RNGTT: variants seen among roughly 807,000 people sequenced by gnomAD.
RNGTT encodes RNA guanylyltransferase and 5'-phosphatase.
Under a neutral mutation model 79.3 loss-of-function variants are expected in RNGTT, and 33 were observed. The ratio of observed to expected loss-of-function variants is 0.42; its 90% CI spans 0.32 to 0.56. RNGTT has a LOEUF of 0.56. RNGTT is among the 20% of genes least tolerant of loss of function. The probability of loss-of-function intolerance (pLI) is 0.17; values close to 1 mark genes in which losing one functional copy is unlikely to be tolerated. For missense variants in RNGTT, 497 were observed against 739.1 expected (o/e 0.67, Z 3.80); for synonymous variants, 222 against 235.9 (o/e 0.94, Z 0.54).
chr6:88,670,079 T>C (rs1455190322), intron 14 of RNGTT, among the ~76,000 whole-genome samples: 1 of 152,192 alleles, frequency 6.6e-6, no homozygotes, highest in Non-Finnish European at 1.5e-5. Context: ...CTAGACTACT[T>C]GCTAGCAGTG....
At chr6:88,798,004 A>T (rs552416692) in intron 12 of RNGTT, among the ~76,000 whole-genome samples, 4 of 151,860 alleles carry the variant, frequency 2.6e-5, no homozygotes, top group Admixed American at 2.0e-4. Context: ...CAGAGTGCAG[A>T]AAAAGGTAAG....
At chr6:88,835,975 A>C (rs1003190925) in intron 11 of RNGTT, among the ~76,000 whole-genome samples, 72 of 113,768 alleles carry the variant, frequency 6.3e-4, no homozygotes, top group East Asian at 6.0e-3. Flanking sequence ...CTCTATTAAA[A>C]ACACACACAC....
Position 88,851,950 on chromosome 6 carries a change from G to T in RNGTT, c.1032+1679C>A, listed in dbSNP as rs551051137. 1.6e-4 allele frequency among the ~76,000 whole-genome samples: 25 copies of T among 151,970 alleles called. 1 individual carries two copies. The South Asian group carries it at 5.2e-3, about 32-fold the overall frequency. On this transcript the variant is annotated intron_variant, in intron 9 of 15. Coordinates refer to ENST00000369485, the MANE Select transcript of RNGTT (RefSeq NM_003800.5). The stretch of plus-strand genomic sequence containing the variant: ...GTATTGCTAAGTTAAATCTGTAGAT[G>T]GTTAAATATCTAATTTTTAAGCATT...
intron 14 of RNGTT, among the ~76,000 whole-genome samples, chr6:88,615,768 A>T (rs1279200562): frequency 6.6e-6 from 1 of 152,210 alleles, no homozygotes; most frequent in Non-Finnish European, 1.5e-5. Flanking sequence ...TTACTGGGTC[A>T]CTGAAAGAAT....
intron 13 of RNGTT, among the ~76,000 whole-genome samples, chr6:88,719,274 A>G (rs1160430610): frequency 6.6e-6 from 1 of 152,196 alleles, no homozygotes; most frequent in African/African-American, 2.4e-5. Flanking sequence ...CTTCCGTGAA[A>G]CTTTTCTGAC....
chr6:88,804,464 A>T (rs1036526608), intron 11 of RNGTT, among the ~76,000 whole-genome samples: 3 of 152,200 alleles, frequency 2.0e-5, no homozygotes, highest in East Asian at 3.8e-4. Flanking sequence ...CCAACACAGC[A>T]AGACCCCATT....
chr6:88,939,090 A>G (rs957919131), intron 2 of RNGTT, among the ~76,000 whole-genome samples: 2 of 152,124 alleles, frequency 1.3e-5, no homozygotes, highest in Non-Finnish European at 2.9e-5. Context: ...TGTGGAGAAG[A>G]CCTTTTTAGA....
chr6:88,933,358 T>C (rs537431052), intron 2 of RNGTT, among the ~76,000 whole-genome samples: 4 of 152,332 alleles, frequency 2.6e-5, no homozygotes, highest in East Asian at 1.9e-4. Context: ...TAAGAATTTA[T>C]ACATTATATC....
chr6:88,888,568 A>G (rs552756245), intron 8 of RNGTT, among the ~76,000 whole-genome samples: 12 of 152,220 alleles, frequency 7.9e-5, no homozygotes, highest in Non-Finnish European at 1.3e-4. Flanking sequence ...CTGCAAGCAC[A>G]CAAGGCACAT....
intron 13 of RNGTT, among the ~76,000 whole-genome samples, chr6:88,706,170 G>A (rs924778527): frequency 4.6e-5 from 7 of 152,052 alleles, no homozygotes; most frequent in Admixed American, 2.0e-4. Flanking sequence ...CAAGCATCAT[G>A]AGACAAGTCT....
At chr6:88,734,266 T>C (rs1046986506) in intron 13 of RNGTT, among the ~76,000 whole-genome samples, 7 of 152,062 alleles carry the variant, frequency 4.6e-5, no homozygotes, top group African/African-American at 9.7e-5. Flanking sequence ...TATAGATTAC[T>C]TGTAAATGTA....
At chr6:88,684,788 T>C (rs763257596) in intron 13 of RNGTT, among the ~76,000 whole-genome samples, 1 of 151,910 alleles carries the variant, frequency 6.6e-6, no homozygotes, top group African/African-American at 2.4e-5. Context: ...TTAGTGATAA[T>C]TACATGTCAA....
rs1006457703 is a variant in RNGTT, at chr6:88,826,574, G to A, written c.1269+17783C>T. 7.3e-5 allele frequency among the ~76,000 whole-genome samples: 11 copies of A among 151,708 alleles called. 1 individual carries two copies. The highest frequency in any genetic ancestry group is 1.9e-4 in the East Asian group (1 of 5,156). On this transcript the variant is annotated intron_variant, in intron 11 of 15. Transcript: ENST00000369485. ...CAAGATGGGCAGATCACCTGAGGCCGGAAGTTCAAGACTAGCCTGGCCAAC... is the reference window on the plus strand; with the variant it reads ...CAAGATGGGCAGATCACCTGAGGCCAGAAGTTCAAGACTAGCCTGGCCAAC...
At chr6:88,955,655 A>C (rs2127965871) in intron 1 of RNGTT, among the ~76,000 whole-genome samples, 1 of 152,230 alleles carries the variant, frequency 6.6e-6, no homozygotes, top group Admixed American at 6.5e-5. Flanking sequence ...CTGAACCCAA[A>C]CCCAGCAGAA....
Position 88,640,698 on chromosome 6 carries a change from G to A in RNGTT, c.1507-26303C>T, listed in dbSNP as rs140129705. 1.5e-4 allele frequency among the ~76,000 whole-genome samples: 23 copies of A among 152,184 alleles called. No homozygotes were observed. In the East Asian group the frequency reaches 3.5e-3, roughly 23 times the overall value. On this transcript the variant is annotated intron_variant, in intron 14 of 15. Transcript: ENST00000369485. The stretch of plus-strand genomic sequence containing the variant: ...AGAATGAGGATTGAGGATTAGAGGT[G>A]AAGAATTAAGAGTCATCTGCATATT...
At chr6:88,732,132 T>A (rs2127820437) in intron 13 of RNGTT, among the ~76,000 whole-genome samples, 1 of 152,122 alleles carries the variant, frequency 6.6e-6, no homozygotes, top group Admixed American at 6.5e-5. Context: ...CTCACACAGT[T>A]CAAACCTGTG....
chr6:88,634,932 CAG>C (rs890563787), intron 14 of RNGTT, among the ~76,000 whole-genome samples: 66 of 151,858 alleles, frequency 4.3e-4, no homozygotes, highest in African/African-American at 1.6e-3. Context: ...TCTTTTTTAA[CAG>C]AGAGAGTTAT....
chr6:88,714,503 C>T lies in RNGTT; in HGVS notation c.1440-36084G>A, dbSNP rs1394409700. The T allele has an allele frequency of 1.0e-4, 9 of 86,772 alleles. 3 individuals are homozygous for T. The highest frequency in any genetic ancestry group is 6.8e-3 in the Middle Eastern group (1 of 146). The allele number at this position is 86,772 out of a possible 1,614,324, so 5.4% of individuals were successfully genotyped here. A position where few individuals can be genotyped will look rare whatever the true frequency, so the allele number is the denominator to read the frequency against. ...TGTCGCCCAGGCTGGAGTGCAGTGG[C>T]GGGATCTCGGCTCACTGCAAGCTCC... On this transcript the variant is annotated intron_variant, in intron 13 of 15. Transcript: ENST00000369485.
intron 13 of RNGTT, among the ~76,000 whole-genome samples, chr6:88,738,112 A>C (rs1431383802): frequency 6.6e-6 from 1 of 152,174 alleles, no homozygotes; most frequent in Admixed American, 6.5e-5. Context: ...TCATGTTCAT[A>C]GTATGTACTC....
Sources: allele counts gnomAD v4.1 joint callset (sites outside exome capture counted in the v4.1 genomes callset), GRCh38; gene constraint gnomAD v4.1.1; transcripts MANE v1.5; gene names NCBI Gene and HGNC (gene_info 2026-07-23, HGNC 2026-07-21).